SPRED2: variants seen among roughly 807,000 people sequenced by gnomAD.
SPRED2 encodes the protein sprouty-related, EVH1 domain-containing protein 2.
In SPRED2, 47 loss-of-function variants were observed where a neutral mutation model predicts 43.0. The observed-to-expected ratio is 1.09, with a 90% CI of 0.87 to 1.40. The LOEUF (loss-of-function observed/expected upper bound fraction) is 1.40, where lower values mean the gene tolerates loss of function less well. Among genes scored for constraint, SPRED2 ranks in the 40% most tolerant of loss-of-function variants. The pLI is 0.00. For synonymous variants in SPRED2, 225 were observed against 225.7 expected, an observed-to-expected ratio of 1.00 and a Z score of 0.03; for missense variants, 561 against 586.4, an observed-to-expected ratio of 0.96 and a Z score of 0.45.
At chr2:65,320,132 C>T (rs894056212) in intron 4 of SPRED2, among the ~76,000 whole-genome samples, 2 of 152,156 alleles carry the variant, frequency 1.3e-5, no homozygotes, top group Non-Finnish European at 2.9e-5. Flanking sequence ...TAATCAGGGC[C>T]TTTCAGTGTG....
intron 1 of SPRED2, among the ~76,000 whole-genome samples, chr2:65,411,761 A>G (rs900396298): frequency 2.6e-5 from 4 of 152,224 alleles, no homozygotes; most frequent in African/African-American, 9.6e-5. Flanking sequence ...AACTATTAAA[A>G]AGCACTGGGT....
chr2:65,404,224 A>C (rs1052402798), intron 1 of SPRED2, among the ~76,000 whole-genome samples: 1 of 151,822 alleles, frequency 6.6e-6, no homozygotes, highest in Non-Finnish European at 1.5e-5. Context: ...AAAAAGAAAG[A>C]AAGAAAAAGA....
intron 1 of SPRED2, among the ~76,000 whole-genome samples, chr2:65,370,075 T>C (rs1007401070): frequency 3.3e-5 from 5 of 152,256 alleles, no homozygotes; most frequent in African/African-American, 1.2e-4. Flanking sequence ...ATGCAGGTAC[T>C]GTAGGCTGAC....
At chr2:65,428,212 G>A (rs754494300) in intron 1 of SPRED2, among the ~76,000 whole-genome samples, 2 of 152,154 alleles carry the variant, frequency 1.3e-5, no homozygotes, top group Non-Finnish European at 2.9e-5. Context: ...TAAGCTTTAC[G>A]TAGGCTGTCT....
In SPRED2 at chr2:65,396,011, G is replaced by T. The variant is rs140883455; in HGVS notation, c.26+35951C>A. ...CTCAGTTCAAATCTGGAATTGAACT[G>T]TCTTGGGTTCAAATCTCCACTCTAA... On this transcript the variant is annotated intron_variant, in intron 1 of 5. Coordinates refer to ENST00000356388, the MANE Select transcript of SPRED2 (RefSeq NM_181784.3). 4.6e-3 allele frequency among the ~76,000 whole-genome samples: 697 copies of T among 152,268 alleles called. 6 individuals are homozygous for T. The highest frequency in any genetic ancestry group is 0.016 in the African/African-American group (648 of 41,546).
chr2:65,431,043 C>T (rs1436786204), intron 1 of SPRED2, among the ~76,000 whole-genome samples: 2 of 152,018 alleles, frequency 1.3e-5, no homozygotes, highest in African/African-American at 4.8e-5. Context: ...CCAAACTGGA[C>T]CCCTGGACCG....
chr2:65,357,197 C>G (rs1674677705), intron 1 of SPRED2, among the ~76,000 whole-genome samples: 1 of 152,006 alleles, frequency 6.6e-6, no homozygotes, highest in Middle Eastern at 3.2e-3. Flanking sequence ...TCCTTTTTTT[C>G]TAGGATTCTG....
chr2:65,429,003 G>A (rs558423877), intron 1 of SPRED2, among the ~76,000 whole-genome samples: 1 of 152,282 alleles, frequency 6.6e-6, no homozygotes, highest in Non-Finnish European at 1.5e-5. Context: ...GTGGAGGGGG[G>A]ACGAAAGAGA....
intron 1 of SPRED2, among the ~76,000 whole-genome samples, chr2:65,407,520 C>T (rs962737630): frequency 6.6e-5 from 10 of 152,060 alleles, no homozygotes; most frequent in Non-Finnish European, 8.8e-5. Flanking sequence ...ATGCAAACTT[C>T]CTCTCTGCAG....
chr2:65,323,799 G>A (rs1419573072), intron 4 of SPRED2, among the ~76,000 whole-genome samples: 4 of 151,896 alleles, frequency 2.6e-5, no homozygotes, highest in Middle Eastern at 3.2e-3. Flanking sequence ...TGGCGTGAAC[G>A]TGGGAGGAAG....
At chr2:65,376,081 C>T (rs1675229957) in intron 1 of SPRED2, among the ~76,000 whole-genome samples, 1 of 152,194 alleles carries the variant, frequency 6.6e-6, no homozygotes, top group Non-Finnish European at 1.5e-5. Context: ...CTCTTGTGCT[C>T]CCTATCCTCC....
At chr2:65,385,480 T>C (rs1675473578) in intron 1 of SPRED2, among the ~76,000 whole-genome samples, 1 of 152,180 alleles carries the variant, frequency 6.6e-6, no homozygotes, top group Non-Finnish European at 1.5e-5. Context: ...CATGTTGTCT[T>C]TGGCAGTTGC....
intron 1 of SPRED2, among the ~76,000 whole-genome samples, chr2:65,408,096 G>C (rs931109984): frequency 5.9e-5 from 9 of 152,102 alleles, no homozygotes; most frequent in Non-Finnish European, 1.2e-4. Flanking sequence ...CTTGCCTGCT[G>C]GTTCCATCTT....
At chr2:65,334,094 C>T (rs1673892309) in intron 3 of SPRED2, 1 of 426,916 alleles carries the variant, frequency 2.3e-6, no homozygotes, top group Non-Finnish European at 4.8e-6. Flanking sequence ...AGATGTAACA[C>T]AATGCCTACT....
At chr2:65,310,129 C>G (rs187355826), downstream of SPRED2, among the ~76,000 whole-genome samples, 1 of 152,174 alleles carries the variant, frequency 6.6e-6, no homozygotes, top group Non-Finnish European at 1.5e-5. Flanking sequence ...TTCCTAACTT[C>G]CAACATCTCT....
At chr2:65,327,943 T>C (rs1195481621) in intron 4 of SPRED2, among the ~76,000 whole-genome samples, 2 of 151,880 alleles carry the variant, frequency 1.3e-5, no homozygotes, top group Non-Finnish European at 2.9e-5. Flanking sequence ...AGGCTGGTCT[T>C]GAATTGCTGA....
chr2:65,341,968 C>A (rs960197620), intron 2 of SPRED2, among the ~76,000 whole-genome samples: 2 of 151,664 alleles, frequency 1.3e-5, no homozygotes, highest in African/African-American at 4.8e-5. Context: ...AATATACTTG[C>A]AGCAAATATG....
At chr2:65,342,426 ATATG>A (rs1159270819) in intron 2 of SPRED2, among the ~76,000 whole-genome samples, 3 of 148,746 alleles carry the variant, frequency 2.0e-5, no homozygotes, top group South Asian at 2.1e-4. Context: ...TACGTATATT[ATATG>A]TATGTATATT....
chr2:65,311,373 AAAAGGACAAGGGGTG>A lies in SPRED2; in HGVS notation c.*2113_*2127del. ...GCTAGCGTAACTCTTAAAAGGGTGG[AAAAGGACAAGGGGTG>A]AAAGAAGAGAGAAACAGGTAACAAC... On this transcript the variant is annotated 3_prime_UTR_variant, in exon 6 of 6. Transcript: ENST00000356388. The A allele has an allele frequency of 1.0e-6, 1 of 985,892 alleles. No individual in the cohort carries two copies. Among genetic ancestry groups the A allele is most frequent in the Non-Finnish European group, 1.2e-6 (1 of 829,942 alleles). 61.1% of individuals were successfully genotyped at this position (985,892 alleles called of 1,614,324 possible). A position where few individuals can be genotyped will look rare whatever the true frequency, so the allele number is the denominator to read the frequency against.
Sources: allele counts gnomAD v4.1 joint callset (sites outside exome capture counted in the v4.1 genomes callset), GRCh38; gene constraint gnomAD v4.1.1; transcripts MANE v1.5; gene names NCBI Gene and HGNC (gene_info 2026-07-23, HGNC 2026-07-21).